SNRNP48: variants seen among roughly 807,000 people sequenced by gnomAD.
SNRNP48 encodes small nuclear ribonucleoprotein U11/U12 subunit 48, also known as U11/U12 small nuclear ribonucleoprotein 48 kDa protein.
Under a neutral mutation model 47.0 loss-of-function variants are expected in SNRNP48, and 43 were observed. The observed-to-expected ratio is 0.92, with a 90% CI of 0.72 to 1.18. The LOEUF (loss-of-function observed/expected upper bound fraction) is 1.18, where lower values mean the gene tolerates loss of function less well. Ranked by LOEUF, SNRNP48 falls within the 50% of genes most tolerant of loss-of-function variation. The pLI is 0.00. For synonymous variants in SNRNP48, 138 were observed against 144.0 expected, an observed-to-expected ratio of 0.96 and a Z score of 0.30; for missense variants, 396 against 422.2, an observed-to-expected ratio of 0.94 and a Z score of 0.54.
chr6:7,606,105 G>A lies in SNRNP48; in HGVS notation c.881G>A (p.Arg294Gln), dbSNP rs764591847. The A allele has an allele frequency of 3.7e-6, 6 of 1,613,756 alleles. No homozygotes were observed. Among genetic ancestry groups the A allele is most frequent in the Non-Finnish European group, 4.2e-6 (5 of 1,179,902 alleles). ...GGSYLDAECS[R>Q]HRRDRSRSPH... ...AGCTATTTGGATGCTGAGTGTTCAC[G>A]ACATAGAAGGGATAGGAGTAGAAGC... Residue 294 changes from arginine to glutamine, a missense_variant, in exon 8 of 9, where the codon CGA (arginine) becomes CAA (glutamine). By Grantham distance (43) the Arg-to-Gln change is conservative. Coordinates refer to ENST00000342415, the MANE Select transcript of SNRNP48 (RefSeq NM_152551.4).
At chr6:7,600,062 T>C in intron 4 of SNRNP48, 1 of 998,752 alleles carries the variant, frequency 1.0e-6, no homozygotes, top group South Asian at 4.3e-5. Flanking sequence ...AAAGCTGTTT[T>C]TATAATTTTG....
At chr6:7,601,191 A>T (rs1028365256) in intron 4 of SNRNP48, 145 bp from the exon 5 acceptor site, 61 of 561,454 alleles carry the variant, frequency 1.1e-4, no homozygotes, top group African/African-American at 1.1e-3. Context: ...TATTGCTTAG[A>T]TTGATATTTT....
At chr6:7,607,417 C>G (rs948893775) in intron 8 of SNRNP48, among the ~76,000 whole-genome samples, 1 of 152,224 alleles carries the variant, frequency 6.6e-6, no homozygotes, top group Non-Finnish European at 1.5e-5. Flanking sequence ...TATTTTGCTA[C>G]TACGCCATGA....
intron 4 of SNRNP48, chr6:7,599,624 A>C: frequency 9.1e-7 from 1 of 1,104,166 alleles, no homozygotes; most frequent in Non-Finnish European, 1.2e-6. Context: ...TTCCGAATGA[A>C]TTGAATGCAG....
chr6:7,599,955 A>G, intron 4 of SNRNP48: 1 of 1,007,352 alleles, frequency 9.9e-7, no homozygotes, highest in Non-Finnish European at 1.2e-6. Context: ...TAACAGGCAA[A>G]GGTTTATATG....
At chr6:7,608,181 C>T (rs553956041) in intron 8 of SNRNP48, among the ~76,000 whole-genome samples, 2 of 151,878 alleles carry the variant, frequency 1.3e-5, no homozygotes, top group South Asian at 2.1e-4. Flanking sequence ...GTTTATCTGA[C>T]GTAAACCAGA....
At chr6:7,600,787 A>G (rs1008977340) in intron 4 of SNRNP48, 2 of 152,140 alleles carry the variant, frequency 1.3e-5, no homozygotes, top group Admixed American at 1.3e-4. Flanking sequence ...CTACTTAATT[A>G]TTTTGTGGCC....
chr6:7,593,445 G>A (rs1439318658), intron 1 of SNRNP48, among the ~76,000 whole-genome samples: 1 of 152,168 alleles, frequency 6.6e-6, no homozygotes, highest in Non-Finnish European at 1.5e-5. Flanking sequence ...GTGGCAATGA[G>A]TGAGGAATCG....
intron 3 of SNRNP48, among the ~76,000 whole-genome samples, chr6:7,594,728 G>A (rs112194465): frequency 6.6e-6 from 1 of 152,306 alleles, no homozygotes; most frequent in Admixed American, 6.5e-5. Flanking sequence ...ACAGAGTTGT[G>A]ACCATTACAG....
rs898611283 is a variant in SNRNP48, at chr6:7,599,989, A to G, written c.407-1347A>G. Reference sequence around the variant, plus strand: ...TGAAGCTTGTTTGTAATACATCATTATTTTCTAATCTGTGTTTTCCTCCCA... The same window carrying G: ...TGAAGCTTGTTTGTAATACATCATTGTTTTCTAATCTGTGTTTTCCTCCCA... On this transcript the variant is annotated intron_variant, in intron 4 of 8. Transcript: ENST00000342415. The G allele has an allele frequency of 4.0e-6, 4 of 995,558 alleles. No homozygotes were observed. The African/African-American group carries it at 5.2e-5, about 13-fold the overall frequency. The allele number at this position is 995,558 out of a possible 1,614,324, so 61.7% of individuals were successfully genotyped here.
chr6:7,608,974 C>A lies in SNRNP48; in HGVS notation c.*101C>A. 1 of 554,856 alleles carries A rather than the reference C, an allele frequency of 1.8e-6. No homozygotes were observed. Among genetic ancestry groups the A allele is most frequent in the Non-Finnish European group, 2.9e-6 (1 of 343,572 alleles). The allele number at this position is 554,856 out of a possible 1,614,324, so 34.4% of individuals were successfully genotyped here. On this transcript the variant is annotated 3_prime_UTR_variant, in exon 9 of 9. Coordinates refer to ENST00000342415, the MANE Select transcript of SNRNP48 (RefSeq NM_152551.4). ...TTGCATAGGAGAATGTTTTTATGAT[C>A]TGTTTAGTGCTTATTATTTTTTTTA...
chr6:7,609,281 G>A lies in SNRNP48; in HGVS notation c.*408G>A, dbSNP rs1048698878. The A allele has an allele frequency of 6.5e-6, 1 of 152,810 alleles. No homozygotes were observed. The highest frequency in any genetic ancestry group is 2.4e-5 in the African/African-American group (1 of 41,398). The allele number at this position is 152,810 out of a possible 1,614,324, so 9.5% of individuals were successfully genotyped here. A position where few individuals can be genotyped will look rare whatever the true frequency, so the allele number is the denominator to read the frequency against. On this transcript the variant is annotated 3_prime_UTR_variant, in exon 9 of 9. Coordinates refer to ENST00000342415, the MANE Select transcript of SNRNP48 (RefSeq NM_152551.4). ...CCTGCGGTTCTGTCCTCACCCCAGT[G>A]GTGACTACTGTTTACCACTACACTG...
At chr6:7,595,903 CAG>C (rs750408820) in intron 4 of SNRNP48, among the ~76,000 whole-genome samples, 4 of 152,196 alleles carry the variant, frequency 2.6e-5, no homozygotes, top group Non-Finnish European at 4.4e-5. Context: ...GGAACCTCAG[CAG>C]AGAGTAGGTT....
intron 6 of SNRNP48, among the ~76,000 whole-genome samples, chr6:7,603,731 G>A (rs541491206): frequency 6.6e-6 from 1 of 152,272 alleles, no homozygotes; most frequent in East Asian, 1.9e-4. Context: ...ATTTTATGCT[G>A]TTCTTTTTAC....
At chr6:7,600,236 A>G (rs6597271) in intron 4 of SNRNP48, 112,134 of 979,012 alleles carry the variant, frequency 0.11, 8,002 homozygotes, top group African/African-American at 0.32. Context: ...TCTCCTCTTA[A>G]TATGTAGACA....
chr6:7,602,666 A>G lies in SNRNP48; in HGVS notation c.639A>G (p.Ala213=). 2.5e-6 allele frequency: 4 copies of G among 1,606,716 alleles called. No homozygotes were observed. Among genetic ancestry groups the G allele is most frequent in the Non-Finnish European group, 3.4e-6 (4 of 1,177,246 alleles). The change falls in exon 6 of 9, where the codon GCA becomes GCG. Residue 213 remains alanine (A), a synonymous_variant. Transcript: ENST00000342415. ...KSPKSYLEIL[A]EVRDYKRRRQ... ...CAAAATCCTACCTTGAAATCCTGGC[A>G]GAAGTACGAGATTATAAAAGAAGAC... is the stretch of plus-strand genomic sequence containing the variant.
intron 3 of SNRNP48, 46 bp from the exon 4 acceptor site, chr6:7,594,981 C>T (rs1277796072): frequency 6.8e-7 from 1 of 1,474,462 alleles, no homozygotes; most frequent in Non-Finnish European, 9.3e-7. Context: ...TAATTGTGGT[C>T]ACTGATGATT....
At chr6:7,606,809 C>T (rs946789025) in intron 8 of SNRNP48, among the ~76,000 whole-genome samples, 1 of 152,174 alleles carries the variant, frequency 6.6e-6, no homozygotes, top group African/African-American at 2.4e-5. Flanking sequence ...TCCTCTTTCC[C>T]CAGCATTACT....
chr6:7,607,177 G>T (rs543038545), intron 8 of SNRNP48, among the ~76,000 whole-genome samples: 18 of 152,320 alleles, frequency 1.2e-4, no homozygotes, highest in African/African-American at 4.3e-4. Context: ...GATTAGCCGG[G>T]TGTGGTGGTG....
Sources: allele counts gnomAD v4.1 joint callset (sites outside exome capture counted in the v4.1 genomes callset), GRCh38; gene constraint gnomAD v4.1.1; transcripts MANE v1.5; gene names NCBI Gene and HGNC (gene_info 2026-07-23, HGNC 2026-07-21).